The following ATP2B2 variants were observed in gnomAD, a reference collection of about 807,000 sequenced individuals.
ATP2B2 encodes the protein ATPase plasma membrane Ca2+ transporting 2, also known as plasma membrane calcium-transporting ATPase 2.
A neutral mutation model predicts 120.0 loss-of-function variants in ATP2B2; 15 were observed. The observed-to-expected ratio is 0.12, with a 90% CI of 0.08 to 0.19. ATP2B2 has a LOEUF of 0.19. Among genes scored for constraint, ATP2B2 ranks in the 10% least tolerant of loss-of-function variants. The pLI is 1.00. For missense variants in ATP2B2, 1,045 were observed against 1,719.8 expected (o/e 0.61, Z 6.94); for synonymous variants, 694 against 700.3 (o/e 0.99, Z 0.14).
At chr3:10,334,167 G>A (rs2060054890) in intron 22 of ATP2B2, among the ~76,000 whole-genome samples, 1 of 152,216 alleles carries the variant, frequency 6.6e-6, no homozygotes, top group Admixed American at 6.5e-5. Flanking sequence ...CCTGCCCAGC[G>A]ATGTCAGGTG....
chr3:10,545,484 G>A (rs538550273), intron 2 of ATP2B2, among the ~76,000 whole-genome samples: 5 of 151,562 alleles, frequency 3.3e-5, no homozygotes, highest in African/African-American at 9.7e-5. Context: ...AGCCAAGATC[G>A]TGCCTTTGCA....
At chr3:10,590,883 G>A (rs58807847) in intron 2 of ATP2B2, among the ~76,000 whole-genome samples, 1 of 152,024 alleles carries the variant, frequency 6.6e-6, no homozygotes, top group Non-Finnish European at 1.5e-5. Context: ...CTCAGCTCCT[G>A]GGCTCCCTGA....
upstream of ATP2B2, among the ~76,000 whole-genome samples, chr3:10,509,915 T>C (rs1234450309): frequency 6.6e-6 from 1 of 152,208 alleles, no homozygotes; most frequent in Non-Finnish European, 1.5e-5. Context: ...CAGGTTTTTT[T>C]CATCTGCAAA....
intron 1 of ATP2B2, among the ~76,000 whole-genome samples, chr3:10,633,723 C>G (rs2069938347): frequency 1.3e-5 from 2 of 152,162 alleles, no homozygotes; most frequent in South Asian, 4.1e-4. Context: ...AATAATAGCT[C>G]TGAGCAACAA....
intron 3 of ATP2B2, among the ~76,000 whole-genome samples, chr3:10,512,938 A>G (rs1396802297): frequency 6.6e-6 from 1 of 152,182 alleles, no homozygotes; most frequent in African/African-American, 2.4e-5. Context: ...CCTCATTTGT[A>G]AAATGCGCAC....
chr3:10,683,772 A>G (rs1215388954), intron 1 of ATP2B2, among the ~76,000 whole-genome samples: 1,789 of 81,090 alleles, frequency 0.022, 80 homozygotes, highest in African/African-American at 0.073. Flanking sequence ...ATATATATAT[A>G]TATATATATA....
At chr3:10,382,726 A>C (rs1269151224) in intron 8 of ATP2B2, among the ~76,000 whole-genome samples, 1 of 152,164 alleles carries the variant, frequency 6.6e-6, no homozygotes, top group Non-Finnish European at 1.5e-5. Flanking sequence ...ACACACTAGT[A>C]ATGTAAAAGA....
intron 1 of ATP2B2, among the ~76,000 whole-genome samples, chr3:10,700,053 T>C (rs1225014458): frequency 1.3e-5 from 2 of 152,146 alleles, no homozygotes; most frequent in African/African-American, 4.8e-5. Context: ...AAAATACATA[T>C]ATAGTTCCAG....
intron 2 of ATP2B2, among the ~76,000 whole-genome samples, chr3:10,575,203 G>C (rs1174435680): frequency 2.0e-5 from 3 of 152,164 alleles, no homozygotes; most frequent in Non-Finnish European, 1.5e-5. Flanking sequence ...TCCAGCACCA[G>C]AAAAAGCCAT....
chr3:10,359,441 G>T (rs968046721), intron 13 of ATP2B2, among the ~76,000 whole-genome samples: 3 of 152,156 alleles, frequency 2.0e-5, no homozygotes, highest in African/African-American at 7.2e-5. Flanking sequence ...AGGCCAGAGA[G>T]GGGAAGGGAT....
At chr3:10,689,531 TA>T (rs951505260) in intron 1 of ATP2B2, among the ~76,000 whole-genome samples, 38 of 151,594 alleles carry the variant, frequency 2.5e-4, no homozygotes, top group African/African-American at 8.7e-4. Flanking sequence ...ATACCAACAT[TA>T]AAAAAAATAA....
intron 3 of ATP2B2, among the ~76,000 whole-genome samples, chr3:10,523,671 G>A (rs2067029774): frequency 6.6e-6 from 1 of 152,128 alleles, no homozygotes; most frequent in East Asian, 1.9e-4. Flanking sequence ...CGGAAAAACC[G>A]TGGTTCACAG....
intron 2 of ATP2B2, among the ~76,000 whole-genome samples, chr3:10,599,695 A>T (rs2068853597): frequency 6.6e-6 from 1 of 151,166 alleles, no homozygotes; most frequent in Non-Finnish European, 1.5e-5. Context: ...GCCCCCACGT[A>T]TTACCTAAGT....
chr3:10,670,641 G>A (rs569470481), intron 1 of ATP2B2, among the ~76,000 whole-genome samples: 22 of 152,192 alleles, frequency 1.4e-4, no homozygotes, highest in Admixed American at 8.5e-4. Flanking sequence ...GGCTGGTCTC[G>A]AACTCCTGAC....
chr3:10,435,895 G>T (rs770639261), intron 2 of ATP2B2, among the ~76,000 whole-genome samples: 3 of 152,180 alleles, frequency 2.0e-5, no homozygotes, highest in Non-Finnish European at 4.4e-5. Context: ...ACAGCTTAAA[G>T]AAATTATCAA....
chr3:10,558,580 T>C (rs1333684121), intron 2 of ATP2B2, among the ~76,000 whole-genome samples: 1 of 152,184 alleles, frequency 6.6e-6, no homozygotes, highest in Non-Finnish European at 1.5e-5. Context: ...TCCCAGTCCC[T>C]GGATCCAGCT....
chr3:10,582,913 G>T (rs2068424662), intron 2 of ATP2B2, among the ~76,000 whole-genome samples: 1 of 152,246 alleles, frequency 6.6e-6, no homozygotes. Context: ...TACCCTGGCA[G>T]TTCTGTCCTG....
chr3:10,439,358 G>A (rs1163615150), intron 2 of ATP2B2, among the ~76,000 whole-genome samples: 3 of 152,174 alleles, frequency 2.0e-5, no homozygotes, highest in Admixed American at 2.0e-4. Context: ...CAGTCGATAA[G>A]GGCCAAAGTC....
chr3:10,422,537 T>C (rs1266691337), intron 2 of ATP2B2, among the ~76,000 whole-genome samples: 2 of 152,180 alleles, frequency 1.3e-5, no homozygotes, highest in African/African-American at 4.8e-5. Flanking sequence ...GTCTCTGTCA[T>C]GTGGAGGGGG....
Sources: allele counts gnomAD v4.1 joint callset (sites outside exome capture counted in the v4.1 genomes callset), GRCh38; gene constraint gnomAD v4.1.1; transcripts MANE v1.5; gene names NCBI Gene and HGNC (gene_info 2026-07-23, HGNC 2026-07-21).